HAPLN3: variants seen among roughly 807,000 people sequenced by gnomAD.
The protein encoded by HAPLN3 is extracellular link domain containing, 1.
In HAPLN3, 28 loss-of-function variants were observed where a neutral mutation model predicts 28.1. The observed-to-expected ratio is 1.00, with a 90% CI of 0.74 to 1.37. The LOEUF is 1.37. Among genes scored for constraint, HAPLN3 ranks in the 40% most tolerant of loss-of-function variants. HAPLN3 has a pLI of 0.00. For missense variants in HAPLN3, 513 were observed against 504.6 expected (o/e 1.02, Z -0.16); for synonymous variants, 211 against 213.1 (o/e 0.99, Z 0.09).
chr15:88,878,843 T>C (rs541303420), intron 4 of HAPLN3, 124 bp downstream of exon 4: 3 of 1,046,584 alleles, frequency 2.9e-6, no homozygotes, highest in Middle Eastern at 2.6e-4. Flanking sequence ...GCTGGTGCTC[T>C]TGGCCTCCAG....
In HAPLN3 at chr15:88,880,438, A is replaced by G; in HGVS notation, c.493+919T>C. 1 of 1,194,724 alleles carries G rather than the reference A, an allele frequency of 8.4e-7. No individual in the cohort carries two copies. Among genetic ancestry groups the G allele is most frequent in the Non-Finnish European group, 1.1e-6 (1 of 941,252 alleles). The allele number at this position is 1,194,724 out of a possible 1,614,324, so 74.0% of individuals were successfully genotyped here. ...TTGCCTCTGAGGGAGGTAAAGGAGGAAAGATTGTGATACCCCATTTTACAC... is the reference window on the plus strand; with the variant it reads ...TTGCCTCTGAGGGAGGTAAAGGAGGGAAGATTGTGATACCCCATTTTACAC... On this transcript the variant is annotated intron_variant, in intron 3 of 4. Transcript: ENST00000359595. The surrounding 1 kb of genome is among the most constrained non-coding windows in gnomAD (Gnocchi z 6.0).
intron 2 of HAPLN3, among the ~76,000 whole-genome samples, chr15:88,882,138 G>A (rs1897723487): frequency 6.6e-6 from 1 of 152,128 alleles, no homozygotes; most frequent in African/African-American, 2.4e-5. Flanking sequence ...GGGCGCCCCA[G>A]CTGAGGCCAT....
Position 88,879,037 on chromosome 15 carries a change from C to T in HAPLN3, c.726G>A (p.Val242=). The T allele has an allele frequency of 6.2e-7, 1 of 1,607,888 alleles. No individual in the cohort carries two copies. The highest frequency in any genetic ancestry group is 8.5e-7 in the Non-Finnish European group (1 of 1,177,704). The change falls in exon 4 of 5, where the codon GTG becomes GTA. Residue 242 remains valine (V), a synonymous_variant. Transcript: ENST00000359595. This position sits in a 1 kb window ranked among gnomAD's most constrained non-coding sequence, Gnocchi z 5.0. ...PCGGPGLAPG[V]RSYGPRHRRL... Reference sequence around the variant, plus strand: ...GGCGGTGGCGGGGGCCGTAGCTTCGCACGCCAGGTGCCAGGCCCGGGCCAC... The same window carrying T: ...GGCGGTGGCGGGGGCCGTAGCTTCGTACGCCAGGTGCCAGGCCCGGGCCAC...
intron 1 of HAPLN3, among the ~76,000 whole-genome samples, chr15:88,889,303 G>A (rs1480612805): frequency 6.6e-6 from 1 of 152,088 alleles, no homozygotes; most frequent in Non-Finnish European, 1.5e-5. Context: ...GCCAGCGTCT[G>A]GATGCCTTGG....
intron 4 of HAPLN3, 57 bp from the exon 5 acceptor site, chr15:88,878,313 C>T (rs1368948401): frequency 2.0e-5 from 30 of 1,517,012 alleles, no homozygotes; most frequent in South Asian, 1.2e-4. Context: ...GAGAGCACAG[C>T]GGGGTCTGCA....
Position 88,880,608 on chromosome 15 carries a change from A to G in HAPLN3, c.493+749T>C, listed in dbSNP as rs1403188550. On this transcript the variant is annotated intron_variant, in intron 3 of 4. Coordinates refer to ENST00000359595, the MANE Select transcript of HAPLN3 (RefSeq NM_178232.4). This position sits in a 1 kb window ranked among gnomAD's most constrained non-coding sequence, Gnocchi z 6.0. ...GAGAGATGTGAGGACACACAGCCCC[A>G]TCCTAGAGACAGAGAAGGTAAATAC... The G allele has an allele frequency of 8.5e-6, 11 of 1,288,622 alleles. No individual in the cohort carries two copies. Among genetic ancestry groups the G allele is most frequent in the South Asian group, 2.5e-5 (2 of 80,974 alleles). 79.8% of individuals were successfully genotyped at this position (1,288,622 alleles called of 1,614,324 possible).
intron 1 of HAPLN3, among the ~76,000 whole-genome samples, chr15:88,893,610 A>C (rs1898072957): frequency 6.6e-6 from 1 of 152,008 alleles, no homozygotes; most frequent in East Asian, 1.9e-4. Context: ...CACCTCTCTG[A>C]GCCTCAGTTT....
chr15:88,878,171 G>C lies in HAPLN3; in HGVS notation c.882C>G (p.Ala294=), dbSNP rs768457388. 10 of 1,614,050 alleles carry C rather than the reference G, an allele frequency of 6.2e-6. No individual in the cohort carries two copies. The East Asian group carries it at 8.9e-5, about 14-fold the overall frequency. ...EACQEDDATI[A]KVGQLFAAWK... Reference sequence around the variant, plus strand: ...AGGCGGCAAAGAGCTGTCCCACCTTGGCGATCGTGGCATCATCTTCCTGGC... The same window carrying C: ...AGGCGGCAAAGAGCTGTCCCACCTTCGCGATCGTGGCATCATCTTCCTGGC... Residue 294 remains alanine (A), a synonymous_variant, in exon 5 of 5, where the codon GCC becomes GCG. Coordinates refer to ENST00000359595, the MANE Select transcript of HAPLN3 (RefSeq NM_178232.4).
At position 88,880,472 on chromosome 15, in the gene HAPLN3, C is replaced by T. The variant is rs980992126; in HGVS notation, c.493+885G>A. 11 of 1,243,792 alleles carry T rather than the reference C, an allele frequency of 8.8e-6. No homozygotes were observed. Among genetic ancestry groups the T allele is most frequent in the African/African-American group, 1.6e-5 (1 of 64,480 alleles). 77.0% of individuals were successfully genotyped at this position (1,243,792 alleles called of 1,614,324 possible). ...GATACCCCATTTTACACCTGAGAGG[C>T]CCAGGGCTCTAAGGGGGATGAGGCA... On this transcript the variant is annotated intron_variant, in intron 3 of 4. Coordinates refer to ENST00000359595, the MANE Select transcript of HAPLN3 (RefSeq NM_178232.4). The surrounding 1 kb of genome is among the most constrained non-coding windows in gnomAD (Gnocchi z 6.0).
chr15:88,877,998 T>C lies in HAPLN3; in HGVS notation c.1055A>G (p.Tyr352Cys), dbSNP rs1241944277. 1 of 1,612,880 alleles carries C rather than the reference T, an allele frequency of 6.2e-7. No individual in the cohort carries two copies. The highest frequency in any genetic ancestry group is 1.1e-5 in the South Asian group (1 of 90,914). ...GTGCTGGCGGTAGCAGTAAACACCGTACAAGCGGCTCTGCGGGTCGGGGAA... is the reference window on the plus strand; with the variant it reads ...GTGCTGGCGGTAGCAGTAAACACCGCACAAGCGGCTCTGCGGGTCGGGGAA... The part of the protein sequence containing the change: ...FGFPDPQSRL[Y>C]GVYCYRQH Residue 352 changes from tyrosine to cysteine, a missense_variant, in exon 5 of 5, where the codon TAC becomes TGC. Coordinates refer to ENST00000359595, the MANE Select transcript of HAPLN3 (RefSeq NM_178232.4). This position sits in a 1 kb window ranked among gnomAD's most constrained non-coding sequence, Gnocchi z 5.1.
Position 88,881,414 on chromosome 15 carries a change from A to C in HAPLN3, c.436T>G (p.Cys146Gly). ...TCCTCCAGCCCGTCAATGACCTCACAGCGGTAACGCCCATAGTCCTCCAGC... is the reference window on the plus strand; with the variant it reads ...TCCTCCAGCCCGTCAATGACCTCACCGCGGTAACGCCCATAGTCCTCCAGC... ...LRLEDYGRYR[C>G]EVIDGLEDES... Residue 146 changes from cysteine to glycine, a missense_variant, in exon 3 of 5, where the codon TGT (cysteine) becomes GGT (glycine). By Grantham distance (159) the Cys-to-Gly change is radical. Transcript: ENST00000359595. The surrounding 1 kb of genome is among the most constrained non-coding windows in gnomAD (Gnocchi z 6.0). The C allele has an allele frequency of 6.2e-7, 1 of 1,613,868 alleles. No individual in the cohort carries two copies. Among genetic ancestry groups the C allele is most frequent in the East Asian group, 2.2e-5 (1 of 44,870 alleles).
intron 2 of HAPLN3, among the ~76,000 whole-genome samples, chr15:88,886,491 C>T (rs530278968): frequency 2.1e-4 from 32 of 152,216 alleles, no homozygotes; most frequent in African/African-American, 7.5e-4. Context: ...AAAACGTTCC[C>T]TGCCCAAGGC....
chr15:88,878,841 T>C, intron 4 of HAPLN3, 126 bp downstream of exon 4: 1 of 1,012,294 alleles, frequency 9.9e-7, no homozygotes, highest in Non-Finnish European at 1.4e-6. Context: ...TGGCTGGTGC[T>C]CTTGGCCTCC....
chr15:88,893,110 C>T (rs1898056698), intron 1 of HAPLN3: 1 of 798,086 alleles, frequency 1.3e-6, no homozygotes, highest in Non-Finnish European at 2.1e-6. Flanking sequence ...TCCATTTCCT[C>T]ATCTGTAAAA....
intron 2 of HAPLN3, 63 bp downstream of exon 2, chr15:88,887,112 C>A: frequency 6.4e-7 from 1 of 1,573,688 alleles, no homozygotes; most frequent in Non-Finnish European, 8.7e-7. Flanking sequence ...CAGATCACAG[C>A]AAGAGCCAAG....
At chr15:88,886,623 A>G (rs905563021) in intron 2 of HAPLN3, among the ~76,000 whole-genome samples, 1 of 151,870 alleles carries the variant, frequency 6.6e-6, no homozygotes, top group Non-Finnish European at 1.5e-5. Flanking sequence ...TCAGGAGTTC[A>G]AGACCAGCCT....
intron 2 of HAPLN3, among the ~76,000 whole-genome samples, chr15:88,883,148 T>G (rs548794510): frequency 3.7e-4 from 56 of 152,258 alleles, no homozygotes; most frequent in Non-Finnish European, 6.8e-4. Flanking sequence ...CAGATTGCCA[T>G]ATGCAGAAGT....
chr15:88,891,079 C>T (rs1327807344), intron 1 of HAPLN3, among the ~76,000 whole-genome samples: 3 of 152,000 alleles, frequency 2.0e-5, no homozygotes, highest in African/African-American at 7.3e-5. Context: ...GGGGTTTCGC[C>T]ATGTTGGCCA....
intron 1 of HAPLN3, among the ~76,000 whole-genome samples, chr15:88,889,391 C>T: frequency 6.6e-6 from 1 of 152,024 alleles, no homozygotes; most frequent in Non-Finnish European, 1.5e-5. Context: ...GCTGGAGTGC[C>T]GTGGCAAGAT....
Sources: allele counts gnomAD v4.1 joint callset (sites outside exome capture counted in the v4.1 genomes callset), GRCh38; gene constraint gnomAD v4.1.1; non-coding constraint Gnocchi (gnomAD v3.1); transcripts MANE v1.5; gene names NCBI Gene and HGNC (gene_info 2026-07-23, HGNC 2026-07-21).